The following SLC35F1 variants were observed in gnomAD, a reference collection of about 807,000 sequenced individuals.
The protein encoded by SLC35F1 is chromosome 6 open reading frame 169.
SLC35F1 carries 14 observed loss-of-function variants against 48.7 expected under a neutral mutation model. That is an observed-to-expected ratio of 0.29 (90% CI 0.19 to 0.45). The LOEUF is 0.45. Among genes scored for constraint, SLC35F1 ranks in the 20% least tolerant of loss-of-function variants. SLC35F1 has a pLI of 1.00. For missense variants in SLC35F1, 404 were observed against 500.0 expected, an observed-to-expected ratio of 0.81 and a Z score of 1.83; for synonymous variants, 190 against 202.2, an observed-to-expected ratio of 0.94 and a Z score of 0.51.
chr6:118,199,398 T>C (rs1225278809), intron 2 of SLC35F1, among the ~76,000 whole-genome samples: 1 of 152,210 alleles, frequency 6.6e-6, no homozygotes, highest in East Asian at 1.9e-4. Context: ...TCTATGTCAA[T>C]AAATTTTCTT....
intron 1 of SLC35F1, among the ~76,000 whole-genome samples, chr6:118,042,124 A>T (rs112776119): frequency 0.022 from 3,400 of 152,044 alleles, 81 homozygotes; most frequent in African/African-American, 0.052. Context: ...TGATATATAT[A>T]TTTTTCCTTT....
chr6:118,027,865 G>T (rs1400043644), intron 1 of SLC35F1, among the ~76,000 whole-genome samples: 1 of 152,054 alleles, frequency 6.6e-6, no homozygotes, highest in African/African-American at 2.4e-5. Flanking sequence ...ACAAGATCGG[G>T]CATGTTCAGG....
intron 2 of SLC35F1, among the ~76,000 whole-genome samples, chr6:118,172,042 T>C (rs1475471709): frequency 6.6e-6 from 1 of 152,178 alleles, no homozygotes; most frequent in African/African-American, 2.4e-5. Context: ...CCTGGCTTTC[T>C]TTATTGCTGT....
chr6:118,133,775 A>G (rs531060039), intron 1 of SLC35F1, among the ~76,000 whole-genome samples: 1 of 152,286 alleles, frequency 6.6e-6, no homozygotes, highest in Non-Finnish European at 1.5e-5. Flanking sequence ...CTGATGGTTG[A>G]CTTGACTCCA....
intron 1 of SLC35F1, among the ~76,000 whole-genome samples, chr6:117,913,510 T>C (rs897718504): frequency 3.9e-5 from 6 of 152,186 alleles, no homozygotes; most frequent in Non-Finnish European, 5.9e-5. Flanking sequence ...TGTCTAGATA[T>C]TGGAATAATG....
intron 6 of SLC35F1, among the ~76,000 whole-genome samples, chr6:118,279,241 C>T (rs575585170): frequency 1.3e-5 from 2 of 152,304 alleles, no homozygotes; most frequent in South Asian, 4.1e-4. Context: ...TTACACATTG[C>T]ATGCATGTAT....
At chr6:118,276,070 A>G (rs1343042499) in intron 5 of SLC35F1, among the ~76,000 whole-genome samples, 1 of 152,204 alleles carries the variant, frequency 6.6e-6, no homozygotes, top group African/African-American at 2.4e-5. Context: ...GCAAGAGTGG[A>G]CCATATTTCA....
intron 1 of SLC35F1, among the ~76,000 whole-genome samples, chr6:118,036,167 C>T (rs1479738283): frequency 2.0e-5 from 3 of 152,012 alleles, no homozygotes; most frequent in Non-Finnish European, 4.4e-5. Flanking sequence ...AATACATGTA[C>T]ATAAATTTCC....
intron 1 of SLC35F1, among the ~76,000 whole-genome samples, chr6:117,999,721 AAG>A (rs1192517891): frequency 6.6e-6 from 1 of 152,072 alleles, no homozygotes; most frequent in Non-Finnish European, 1.5e-5. Flanking sequence ...TAAAGAAGAA[AAG>A]AGAGAAGAAT....
At chr6:117,908,094 C>T (rs1316303347) in intron 1 of SLC35F1, among the ~76,000 whole-genome samples, 195 bp downstream of exon 1, 2 of 152,186 alleles carry the variant, frequency 1.3e-5, no homozygotes, top group Admixed American at 1.3e-4. Flanking sequence ...GCAGGGAGCC[C>T]TGGAGTGGTG....
chr6:118,027,550 A>G (rs9401048), intron 1 of SLC35F1, among the ~76,000 whole-genome samples: 43,888 of 151,928 alleles, frequency 0.29, 7,185 homozygotes, highest in East Asian at 0.48. Context: ...ATGATAGTAA[A>G]CATTTTTTTC....
chr6:118,129,066 A>C (rs4593395), intron 1 of SLC35F1, among the ~76,000 whole-genome samples: 51,913 of 152,054 alleles, frequency 0.34, 9,682 homozygotes, highest in Non-Finnish European at 0.43. Context: ...AGGTGCTTGG[A>C]AGGCAAGATA....
chr6:118,289,351 A>G (rs1457503431), intron 7 of SLC35F1, among the ~76,000 whole-genome samples: 3 of 152,228 alleles, frequency 2.0e-5, no homozygotes, highest in African/African-American at 7.2e-5. Context: ...TATTTCTCAG[A>G]GATAAACACC....
At chr6:118,082,460 C>T (rs547520550) in intron 1 of SLC35F1, among the ~76,000 whole-genome samples, 123 of 152,078 alleles carry the variant, frequency 8.1e-4, no homozygotes, top group Middle Eastern at 3.4e-3. Context: ...GGAGAACTTA[C>T]GAAATGAAAG....
intron 7 of SLC35F1, among the ~76,000 whole-genome samples, chr6:118,299,895 A>T (rs1439608424): frequency 6.6e-6 from 1 of 152,178 alleles, no homozygotes; most frequent in East Asian, 1.9e-4. Context: ...CAAAAGTTAC[A>T]TCTCTAAACT....
chr6:118,214,128 C>T (rs975777532), intron 2 of SLC35F1, among the ~76,000 whole-genome samples: 1 of 152,130 alleles, frequency 6.6e-6, no homozygotes, highest in African/African-American at 2.4e-5. Context: ...CACTCTTCAG[C>T]AAATATATAT....
At chr6:118,156,351 G>A (rs1419208344) in intron 2 of SLC35F1, among the ~76,000 whole-genome samples, 1 of 151,866 alleles carries the variant, frequency 6.6e-6, no homozygotes, top group Non-Finnish European at 1.5e-5. Flanking sequence ...TGCCCAAGGT[G>A]GTCGGGGTGC....
intron 1 of SLC35F1, among the ~76,000 whole-genome samples, chr6:117,984,418 G>A (rs902349829): frequency 6.7e-6 from 1 of 148,464 alleles, no homozygotes; most frequent in Non-Finnish European, 1.5e-5. Flanking sequence ...AGAATGGCGT[G>A]AACCTCGGAG....
intron 1 of SLC35F1, among the ~76,000 whole-genome samples, chr6:118,062,629 A>G (rs1241337733): frequency 6.6e-6 from 1 of 152,186 alleles, no homozygotes; most frequent in Non-Finnish European, 1.5e-5. Context: ...TTGTTTTTCT[A>G]ATAAGAAAAT....
Sources: gnomAD v4.1 joint callset for allele counts (sites outside exome capture counted in the v4.1 genomes callset) on GRCh38, gnomAD v4.1.1 for gene constraint, MANE v1.5 for transcripts, NCBI Gene and HGNC (gene_info 2026-07-23, HGNC 2026-07-21) for gene names.